TACR1: variants seen among roughly 807,000 people sequenced by gnomAD.
The protein encoded by TACR1 is tachykinin receptor 1.
A neutral mutation model predicts 35.8 loss-of-function variants in TACR1; 25 were observed. The observed-to-expected ratio is 0.70, with a 90% CI of 0.51 to 0.98. The LOEUF (loss-of-function observed/expected upper bound fraction) is 0.98. TACR1 is among the 50% of genes least tolerant of loss of function. The probability of loss-of-function intolerance (pLI) is 0.00; values close to 1 mark genes in which losing one functional copy is unlikely to be tolerated. For synonymous variants in TACR1, 195 were observed against 206.7 expected (o/e 0.94, Z 0.48); for missense variants, 478 against 522.9 (o/e 0.91, Z 0.84).
At chr2:75,100,667 G>C (rs1255201659) in intron 2 of TACR1, among the ~76,000 whole-genome samples, 1 of 152,194 alleles carries the variant, frequency 6.6e-6, no homozygotes, top group Non-Finnish European at 1.5e-5. Context: ...GAGTGTGATA[G>C]GTCATTGTTT....
intron 2 of TACR1, among the ~76,000 whole-genome samples, chr2:75,057,351 A>G (rs960241829): frequency 3.9e-5 from 6 of 152,048 alleles, no homozygotes; most frequent in Non-Finnish European, 7.4e-5. Context: ...CCCAAATCCT[A>G]TAAAATGACC....
At chr2:75,082,091 C>T (rs1275890991) in intron 2 of TACR1, among the ~76,000 whole-genome samples, 1 of 152,004 alleles carries the variant, frequency 6.6e-6, no homozygotes, top group Non-Finnish European at 1.5e-5. Context: ...CCACAACAGG[C>T]TCTGGGGTAT....
At chr2:75,152,802 C>A (rs1674703270) in intron 1 of TACR1, among the ~76,000 whole-genome samples, 1 of 152,186 alleles carries the variant, frequency 6.6e-6, no homozygotes, top group African/African-American at 2.4e-5. Flanking sequence ...AGGGGTTGTT[C>A]CTTAGGAGAA....
At chr2:75,143,941 T>C (rs1232970750) in intron 1 of TACR1, among the ~76,000 whole-genome samples, 1 of 152,186 alleles carries the variant, frequency 6.6e-6, no homozygotes, top group African/African-American at 2.4e-5. Context: ...CCTCCCTAAC[T>C]TCCAAGCGTG....
chr2:75,132,066 T>C (rs1674188395), intron 1 of TACR1, among the ~76,000 whole-genome samples: 1 of 152,188 alleles, frequency 6.6e-6, no homozygotes. Flanking sequence ...GGGTGCACAA[T>C]TTAATTTGGA....
chr2:75,113,193 G>C (rs1673784026), intron 2 of TACR1, among the ~76,000 whole-genome samples: 1 of 152,140 alleles, frequency 6.6e-6, no homozygotes, highest in Non-Finnish European at 1.5e-5. Flanking sequence ...TTATGGTTTT[G>C]TGGAAAATCA....
chr2:75,144,824 A>G (rs564225137), intron 1 of TACR1, among the ~76,000 whole-genome samples: 1 of 152,218 alleles, frequency 6.6e-6, no homozygotes, highest in Non-Finnish European at 1.5e-5. Context: ...GGTAGCAATG[A>G]ATAACAGATT....
At chr2:75,133,402 C>T (rs1459412859) in intron 1 of TACR1, among the ~76,000 whole-genome samples, 1 of 152,142 alleles carries the variant, frequency 6.6e-6, no homozygotes, top group Non-Finnish European at 1.5e-5. Flanking sequence ...TAATGCTTCT[C>T]TTTGACTTCA....
intron 1 of TACR1, among the ~76,000 whole-genome samples, chr2:75,160,002 C>T (rs1674963771): frequency 6.6e-6 from 1 of 152,108 alleles, no homozygotes; most frequent in Middle Eastern, 3.2e-3. Context: ...GGATATCTCC[C>T]CATGGCAATA....
chr2:75,103,131 A>C lies in TACR1; in HGVS notation c.584+17443T>G, dbSNP rs982853519. On this transcript the variant is annotated intron_variant, in intron 2 of 4. Coordinates refer to ENST00000305249, the MANE Select transcript of TACR1 (RefSeq NM_001058.4). ...AAACAAAAGCAGAGAACCATTTGAC[A>C]GTGTTTGTTAAGTTGTTTAAAAATA... Among the ~76,000 whole-genome samples the C allele has an allele frequency of 5.3e-5, 8 of 152,326 alleles. No homozygotes were observed. The South Asian group carries it at 1.7e-3, about 32-fold the overall frequency.
intron 2 of TACR1, among the ~76,000 whole-genome samples, chr2:75,067,679 G>A (rs1672793996): frequency 1.3e-5 from 2 of 152,218 alleles, no homozygotes; most frequent in Non-Finnish European, 2.9e-5. Flanking sequence ...GAGACCTGAA[G>A]TTCAAAGCAG....
At chr2:75,127,362 T>C (rs1270854677) in intron 1 of TACR1, among the ~76,000 whole-genome samples, 1 of 152,178 alleles carries the variant, frequency 6.6e-6, no homozygotes, top group East Asian at 1.9e-4. Flanking sequence ...CACTAAATCA[T>C]TTTTATTATT....
intron 2 of TACR1, among the ~76,000 whole-genome samples, chr2:75,088,031 A>G (rs773517096): frequency 6.6e-6 from 1 of 151,682 alleles, no homozygotes; most frequent in Non-Finnish European, 1.5e-5. Flanking sequence ...TAGTCCCCCC[A>G]TGTCTCGGTC....
At chr2:75,194,289 A>G (rs770946496) in intron 1 of TACR1, among the ~76,000 whole-genome samples, 1 of 152,332 alleles carries the variant, frequency 6.6e-6, no homozygotes, top group African/African-American at 2.4e-5. Context: ...ATCCACATCA[A>G]TGCTGACATT....
At chr2:75,159,380 T>A (rs371192301) in intron 1 of TACR1, among the ~76,000 whole-genome samples, 21 of 152,308 alleles carry the variant, frequency 1.4e-4, no homozygotes, top group South Asian at 1.2e-3. Context: ...TTTAAAAATC[T>A]AATAAATTCT....
chr2:75,121,988 GT>G (rs1673979134), intron 1 of TACR1, among the ~76,000 whole-genome samples: 1 of 152,140 alleles, frequency 6.6e-6, no homozygotes, highest in African/African-American at 2.4e-5. Context: ...TAGGACCAGG[GT>G]TACAAGTAAA....
chr2:75,072,369 A>G (rs565449868), intron 2 of TACR1, among the ~76,000 whole-genome samples: 1 of 152,312 alleles, frequency 6.6e-6, no homozygotes, highest in Admixed American at 6.5e-5. Context: ...ATCATAATCA[A>G]TATGGCCACA....
chr2:75,164,992 A>G (rs1017759994), intron 1 of TACR1, among the ~76,000 whole-genome samples: 2 of 152,152 alleles, frequency 1.3e-5, no homozygotes, highest in African/African-American at 2.4e-5. Flanking sequence ...GATTCATCCT[A>G]TTGTAGAGGA....
At chr2:75,129,152 G>T (rs1353025674) in intron 1 of TACR1, among the ~76,000 whole-genome samples, 1 of 152,176 alleles carries the variant, frequency 6.6e-6, no homozygotes, top group East Asian at 1.9e-4. Flanking sequence ...AAGGGAAAGG[G>T]GAATTGCACT....
Sources: allele counts gnomAD v4.1 joint callset (sites outside exome capture counted in the v4.1 genomes callset), GRCh38; gene constraint gnomAD v4.1.1; transcripts MANE v1.5; gene names NCBI Gene and HGNC (gene_info 2026-07-23, HGNC 2026-07-21).